PRKCB: variants seen among roughly 807,000 people sequenced by gnomAD.
PRKCB encodes the protein protein kinase C beta type.
A neutral mutation model predicts 81.5 loss-of-function variants in PRKCB; 13 were observed. The ratio of observed to expected loss-of-function variants is 0.16; its 90% CI spans 0.10 to 0.25. The LOEUF (loss-of-function observed/expected upper bound fraction) is 0.25, where lower values mean the gene tolerates loss of function less well. Among genes scored for constraint, PRKCB ranks in the 10% least tolerant of loss-of-function variants. The probability of loss-of-function intolerance (pLI) is 1.00; values close to 1 mark genes in which losing one functional copy is unlikely to be tolerated. For missense variants in PRKCB, 509 were observed against 875.7 expected (o/e 0.58, Z 5.29); for synonymous variants, 335 against 321.4 (o/e 1.04, Z -0.45).
At chr16:24,075,620 C>T (rs1966167277) in intron 5 of PRKCB, among the ~76,000 whole-genome samples, 1 of 152,192 alleles carries the variant, frequency 6.6e-6, no homozygotes, top group Non-Finnish European at 1.5e-5. Flanking sequence ...AACTCTTAAA[C>T]AAAAGCCTAT....
intron 2 of PRKCB, among the ~76,000 whole-genome samples, chr16:23,885,378 G>A (rs989649849): frequency 2.0e-5 from 3 of 151,988 alleles, no homozygotes; most frequent in East Asian, 1.9e-4. Context: ...GCATGATCTC[G>A]GCTCACTGCA....
At chr16:23,836,894 G>C (rs1306357417) in intron 1 of PRKCB, among the ~76,000 whole-genome samples, 3 of 151,846 alleles carry the variant, frequency 2.0e-5, no homozygotes, top group Non-Finnish European at 4.4e-5. Flanking sequence ...GAGGGCCTGG[G>C]TTCCCCTTTC....
intron 2 of PRKCB, among the ~76,000 whole-genome samples, chr16:23,838,084 TA>T (rs1431278147): frequency 1.3e-5 from 2 of 152,188 alleles, no homozygotes; most frequent in Admixed American, 1.3e-4. Context: ...TGATCACGTG[TA>T]AAGTGTCCCC....
chr16:24,144,446 G>A (rs1966958513), intron 9 of PRKCB, among the ~76,000 whole-genome samples: 1 of 152,114 alleles, frequency 6.6e-6, no homozygotes, highest in South Asian at 2.1e-4. Flanking sequence ...TTACAGGCGT[G>A]TGCTATCATG....
At chr16:24,008,020 T>G (rs1006620292) in intron 3 of PRKCB, among the ~76,000 whole-genome samples, 8 of 137,458 alleles carry the variant, frequency 5.8e-5, no homozygotes, top group Admixed American at 5.6e-4. Context: ...AAAAAAAAAC[T>G]AAGAGCCAGC....
Position 24,220,241 on chromosome 16 carries a change from G to A in PRKCB, c.*5425G>A. Reference sequence around the variant, plus strand: ...AACATGTGGAAAGCTTGTCTTAGAGGGCTTTTCTTTGTATGTGTAGCTTGC... The same window carrying A: ...AACATGTGGAAAGCTTGTCTTAGAGAGCTTTTCTTTGTATGTGTAGCTTGC... On this transcript the variant is annotated 3_prime_UTR_variant, in exon 17 of 17. Transcript: ENST00000643927. The A allele has an allele frequency of 2.5e-6, 3 of 1,197,156 alleles. No individual in the cohort carries two copies. In the South Asian group the frequency reaches 4.8e-5, roughly 19 times the overall value. The allele number at this position is 1,197,156 out of a possible 1,614,324, so 74.2% of individuals were successfully genotyped here. A position where few individuals can be genotyped will look rare whatever the true frequency, so the allele number is the denominator to read the frequency against.
chr16:23,861,796 T>A (rs1432917875), intron 2 of PRKCB, among the ~76,000 whole-genome samples: 1 of 152,208 alleles, frequency 6.6e-6, no homozygotes, highest in African/African-American at 2.4e-5. Flanking sequence ...AAGCTGTAAA[T>A]GGCAGTGTAA....
intron 9 of PRKCB, among the ~76,000 whole-genome samples, chr16:24,130,003 A>G (rs1237160193): frequency 6.6e-6 from 1 of 152,204 alleles, no homozygotes; most frequent in Admixed American, 6.5e-5. Flanking sequence ...TCATGTATCC[A>G]TCTGTCTATC....
At chr16:23,997,338 A>G (rs1183537451) in intron 3 of PRKCB, among the ~76,000 whole-genome samples, 2 of 152,244 alleles carry the variant, frequency 1.3e-5, no homozygotes, top group African/African-American at 2.4e-5. Context: ...AAGATCAATG[A>G]AAAACTACAA....
intron 2 of PRKCB, among the ~76,000 whole-genome samples, chr16:23,923,454 A>G (rs764938902): frequency 1.3e-5 from 2 of 152,036 alleles, no homozygotes; most frequent in Non-Finnish European, 2.9e-5. Flanking sequence ...GCCAGTGAAA[A>G]AGCAATGTGC....
At chr16:23,871,139 C>T (rs778539917) in intron 2 of PRKCB, among the ~76,000 whole-genome samples, 2 of 152,208 alleles carry the variant, frequency 1.3e-5, no homozygotes, top group African/African-American at 2.4e-5. Flanking sequence ...AAACAAGTCC[C>T]AAGCCTTCTC....
At chr16:24,083,056 G>A (rs1438357564) in intron 5 of PRKCB, among the ~76,000 whole-genome samples, 1 of 152,038 alleles carries the variant, frequency 6.6e-6, no homozygotes, top group Non-Finnish European at 1.5e-5. Flanking sequence ...ATAATACAAG[G>A]ATGGCCAATA....
intron 10 of PRKCB, among the ~76,000 whole-genome samples, chr16:24,163,243 T>C (rs969549160): frequency 3.9e-5 from 6 of 152,210 alleles, no homozygotes; most frequent in African/African-American, 9.6e-5. Flanking sequence ...AGGCACCATC[T>C]TGAGTCCAAG....
rs374135479 is a variant in PRKCB, at chr16:24,083,615, A to G, written c.530-9176A>G. Among the ~76,000 whole-genome samples, 11 of 152,348 alleles carry G rather than the reference A, an allele frequency of 7.2e-5. No homozygotes were observed. The East Asian group carries it at 1.7e-3, about 24-fold the overall frequency. ...TGCTGTATGATTCCATTTAGGTATT[A>G]TTCTTGAAAAGATAAAACTGTAGTG... On this transcript the variant is annotated intron_variant, in intron 5 of 16. Coordinates refer to ENST00000643927, the MANE Select transcript of PRKCB (RefSeq NM_002738.7).
chr16:24,114,294 A>G (rs186520468), intron 8 of PRKCB, among the ~76,000 whole-genome samples: 1 of 150,158 alleles, frequency 6.7e-6, no homozygotes, highest in African/African-American at 2.4e-5. Flanking sequence ...AAGTAGACAG[A>G]GAAGTGATAT....
chr16:23,954,709 C>T (rs1403344651), intron 2 of PRKCB, among the ~76,000 whole-genome samples: 1 of 152,182 alleles, frequency 6.6e-6, no homozygotes, highest in Non-Finnish European at 1.5e-5. Flanking sequence ...TCAGTTTCCC[C>T]ATCTGAAGTT....
chr16:24,190,952 TA>T, intron 15 of PRKCB, 137 bp from the exon 16 acceptor site: 1 of 1,101,552 alleles, frequency 9.1e-7, no homozygotes, highest in Non-Finnish European at 1.3e-6. Flanking sequence ...TTTGCTGGGA[TA>T]AAAAGCAAAA....
intron 9 of PRKCB, among the ~76,000 whole-genome samples, chr16:24,140,861 A>G (rs953198323): frequency 6.6e-6 from 1 of 152,158 alleles, no homozygotes; most frequent in African/African-American, 2.4e-5. Context: ...TTAGTTTTAC[A>G]AAGGCAGTTT....
chr16:24,195,373 C>T (rs753845721), intron 16 of PRKCB, among the ~76,000 whole-genome samples: 7 of 152,140 alleles, frequency 4.6e-5, no homozygotes, highest in African/African-American at 7.2e-5. Flanking sequence ...CCATGGTGAG[C>T]GTGTGCAGAG....
Sources: gnomAD v4.1 joint callset for allele counts (sites outside exome capture counted in the v4.1 genomes callset) on GRCh38, gnomAD v4.1.1 for gene constraint, MANE v1.5 for transcripts, NCBI Gene and HGNC (gene_info 2026-07-23, HGNC 2026-07-21) for gene names.